The following OR6N1 variants were observed in gnomAD, a reference collection of about 807,000 sequenced individuals.
The protein encoded by OR6N1 is olfactory receptor 6N1.
For missense variants in OR6N1, 394 were observed against 371.7 expected (o/e 1.06, Z -0.49); for synonymous variants, 170 against 150.7 (o/e 1.13, Z -0.94).
chr1:158,777,287 C>G, the OR6N1 span: 1 of 1,614,006 alleles, frequency 6.2e-7, no homozygotes, highest in Non-Finnish European at 8.5e-7. Context: ...TAGGCCATGG[C>G]TGTAAGAAGG....
the OR6N1 span, chr1:158,796,174 G>A: frequency 6.6e-6 from 1 of 152,112 alleles, no homozygotes; most frequent in African/African-American, 2.4e-5. Context: ...ATGTAAAAGG[G>A]GCTTCTTGGA....
chr1:158,783,998 C>A, the OR6N1 span, among the ~76,000 whole-genome samples: 1,306 of 152,042 alleles, frequency 8.6e-3, 19 homozygotes, highest in African/African-American at 0.03. Context: ...CCCACCTACT[C>A]GGGAGGCTGA....
chr1:158,834,953 C>T, the OR6N1 span, among the ~76,000 whole-genome samples: 2 of 152,166 alleles, frequency 1.3e-5, no homozygotes, highest in Non-Finnish European at 2.9e-5. Flanking sequence ...TCTATGCTAT[C>T]TATCATATTC....
At chr1:158,780,095 A>G in the OR6N1 span, among the ~76,000 whole-genome samples, 1 of 152,226 alleles carries the variant, frequency 6.6e-6, no homozygotes, top group Non-Finnish European at 1.5e-5. Flanking sequence ...CAAAGCTTAC[A>G]GTATTCTAAT....
chr1:158,777,360 A>C, the OR6N1 span: 13 of 1,614,234 alleles, frequency 8.1e-6, no homozygotes, highest in Non-Finnish European at 1.0e-5. Flanking sequence ...CTGCAAAAGA[A>C]ATGGTTTTCT....
the OR6N1 span, among the ~76,000 whole-genome samples, chr1:158,798,589 A>C: frequency 6.6e-6 from 1 of 151,888 alleles, no homozygotes; most frequent in Non-Finnish European, 1.5e-5. Context: ...TCTATATTAT[A>C]TTAATATTAT....
chr1:158,824,094 T>G, the OR6N1 span, among the ~76,000 whole-genome samples: 2 of 152,166 alleles, frequency 1.3e-5, no homozygotes, highest in Non-Finnish European at 2.9e-5. Context: ...GTGATATGGT[T>G]TGGCTGTGTC....
At chr1:158,827,938 C>T in the OR6N1 span, among the ~76,000 whole-genome samples, 20 of 152,216 alleles carry the variant, frequency 1.3e-4, no homozygotes, top group South Asian at 2.1e-4. Flanking sequence ...GGTAAGGAAG[C>T]GCAAGTCACA....
intron 1 of OR6N1, among the ~76,000 whole-genome samples, chr1:158,771,343 C>T (rs542316730): frequency 4.6e-5 from 7 of 152,270 alleles, no homozygotes; most frequent in Admixed American, 2.6e-4. Context: ...ATACCATGTC[C>T]TACCTCCTAG....
the OR6N1 span, chr1:158,781,173 C>G: frequency 6.6e-6 from 1 of 152,248 alleles, no homozygotes; most frequent in African/African-American, 2.4e-5. Context: ...CACCTACCAA[C>G]CACTGAACAC....
At chr1:158,782,848 CTT>C in the OR6N1 span, among the ~76,000 whole-genome samples, 15 of 151,972 alleles carry the variant, frequency 9.9e-5, no homozygotes, top group Admixed American at 7.9e-4. Flanking sequence ...CACAGAGTGA[CTT>C]TGTCTGATGT....
At chr1:158,806,949 G>A in the OR6N1 span, among the ~76,000 whole-genome samples, 6 of 143,982 alleles carry the variant, frequency 4.2e-5, no homozygotes, top group African/African-American at 1.6e-4. Context: ...GTTGCAGTGA[G>A]CTGAGATCGC....
chr1:158,804,347 C>A, the OR6N1 span, among the ~76,000 whole-genome samples: 2 of 152,160 alleles, frequency 1.3e-5, no homozygotes, highest in Non-Finnish European at 2.9e-5. Flanking sequence ...ACTTGGGTTA[C>A]ATACAACCTG....
chr1:158,776,917 G>A (rs1489369426), upstream of OR6N1: 4 of 1,614,058 alleles, frequency 2.5e-6, no homozygotes, highest in Non-Finnish European at 2.5e-6. Flanking sequence ...TGAGGCACAG[G>A]TAGAAAAGGC....
At chr1:158,817,646 AG>A in the OR6N1 span, among the ~76,000 whole-genome samples, 1 of 152,192 alleles carries the variant, frequency 6.6e-6, no homozygotes, top group Non-Finnish European at 1.5e-5. Context: ...AGTAATGAGA[AG>A]GAAGAGAGAA....
Position 158,766,122 on chromosome 1 carries a change from C to T in OR6N1, c.561G>A (p.Leu187=), listed in dbSNP as rs1263070979. The change falls in exon 2 of 2, where the codon TTG becomes TTA. Residue 187 remains leucine (L), a synonymous_variant. Transcript: ENST00000641846. ...VFCDFPPVLS[L]ACTDTSINVL... ...CATTTATAGACGTATCAGTGCAAGCCAAACTCAGCACAGGAGGGAAGTCAC... is the reference window on the plus strand; with the variant it reads ...CATTTATAGACGTATCAGTGCAAGCTAAACTCAGCACAGGAGGGAAGTCAC... 1.2e-6 allele frequency: 2 copies of T among 1,614,088 alleles called. No homozygotes were observed. Among genetic ancestry groups the T allele is most frequent in the South Asian group, 2.2e-5 (2 of 91,084 alleles).
the OR6N1 span, among the ~76,000 whole-genome samples, chr1:158,792,713 A>C: frequency 6.6e-6 from 1 of 152,160 alleles, no homozygotes; most frequent in Non-Finnish European, 1.5e-5. Context: ...ATAGGACCCC[A>C]GTCTTTTCTG....
At chr1:158,790,424 G>A in the OR6N1 span, among the ~76,000 whole-genome samples, 7 of 135,998 alleles carry the variant, frequency 5.1e-5, no homozygotes, top group African/African-American at 1.2e-4. Flanking sequence ...TTTTTGAGAC[G>A]GCATCTCGCT....
chr1:158,805,449 A>T, the OR6N1 span, among the ~76,000 whole-genome samples: 1 of 152,196 alleles, frequency 6.6e-6, no homozygotes, highest in East Asian at 1.9e-4. Flanking sequence ...TCTGTAGGAC[A>T]CACTGAGGTG....
Sources: gnomAD v4.1 joint callset for allele counts (sites outside exome capture counted in the v4.1 genomes callset) on GRCh38, gnomAD v4.1.1 for gene constraint, MANE v1.5 for transcripts, NCBI Gene and HGNC (gene_info 2026-07-23, HGNC 2026-07-21) for gene names.